The following GARIN4 variants were observed in gnomAD, a reference collection of about 807,000 sequenced individuals.
The protein encoded by GARIN4 is Golgi-associated RAB2 interactor protein 4.
At chr1:212,625,356 G>T in the GARIN4 span, 1 of 1,614,216 alleles carries the variant, frequency 6.2e-7, no homozygotes, top group East Asian at 2.2e-5. Flanking sequence ...CTTGACACAC[G>T]GGATGACCTC....
the GARIN4 span, chr1:212,624,982 G>A: frequency 1.9e-6 from 3 of 1,614,164 alleles, no homozygotes; most frequent in African/African-American, 2.7e-5. Context: ...TGTACAAGGG[G>A]GAGTACGATA....
chr1:212,625,880 A>G, the GARIN4 span: 1 of 1,614,126 alleles, frequency 6.2e-7, no homozygotes, highest in African/African-American at 1.3e-5. Context: ...CACTGCCAGC[A>G]TGGCTCCAAA....
chr1:212,625,400 C>T, the GARIN4 span: 45 of 1,614,192 alleles, frequency 2.8e-5, no homozygotes, highest in South Asian at 3.7e-4. Flanking sequence ...TTACCTCTTG[C>T]GGCCACCCAT....
chr1:212,626,219 A>C, the GARIN4 span: 1 of 1,614,088 alleles, frequency 6.2e-7, no homozygotes. Context: ...AAGCCGCCAC[A>C]AAACAAGGGG....
the GARIN4 span, chr1:212,625,359 A>C: frequency 6.2e-7 from 1 of 1,614,118 alleles, no homozygotes; most frequent in African/African-American, 1.3e-5. Context: ...GACACACGGG[A>C]TGACCTCTTT....
At chr1:212,624,945 C>T in the GARIN4 span, 1 of 1,613,928 alleles carries the variant, frequency 6.2e-7, no homozygotes, top group Non-Finnish European at 8.5e-7. Context: ...ATGTTCAACA[C>T]CACCATGGGG....
At chr1:212,625,153 C>T in the GARIN4 span, 1 of 1,614,144 alleles carries the variant, frequency 6.2e-7, no homozygotes, top group Non-Finnish European at 8.5e-7. Flanking sequence ...CACGACCGGC[C>T]ACCGGCTGCG....
the GARIN4 span, chr1:212,626,686 C>A: frequency 6.4e-7 from 1 of 1,564,024 alleles, no homozygotes; most frequent in Non-Finnish European, 8.6e-7. Flanking sequence ...CTGGAAGCTG[C>A]AAAGGAGCCC....
At chr1:212,626,215 C>T in the GARIN4 span, 1 of 1,614,170 alleles carries the variant, frequency 6.2e-7, no homozygotes, top group Non-Finnish European at 8.5e-7. Flanking sequence ...GTGAAAGCCG[C>T]CACAAAACAA....
At chr1:212,625,079 A>G in the GARIN4 span, 3 of 1,614,034 alleles carry the variant, frequency 1.9e-6, no homozygotes, top group Non-Finnish European at 1.7e-6. Context: ...CCGTGTCCGT[A>G]TGGTGACCAT....
the GARIN4 span, chr1:212,625,578 C>T: frequency 6.5e-5 from 105 of 1,614,182 alleles, no homozygotes; most frequent in Non-Finnish European, 2.6e-5. Context: ...TGTGGGGCCA[C>T]CTCTGCTGCT....
At chr1:212,625,693 A>AG in the GARIN4 span, 3 of 1,614,064 alleles carry the variant, frequency 1.9e-6, no homozygotes, top group Admixed American at 1.7e-5. Context: ...AGCCAGCAAC[A>AG]GGGGGGATTA....
At chr1:212,625,045 G>A in the GARIN4 span, 1 of 1,614,184 alleles carries the variant, frequency 6.2e-7, no homozygotes, top group Non-Finnish European at 8.5e-7. Flanking sequence ...TCACCAAAAG[G>A]GGAGAAGTGA....
the GARIN4 span, chr1:212,625,534 C>A: frequency 1.2e-6 from 2 of 1,614,218 alleles, no homozygotes; most frequent in Non-Finnish European, 1.7e-6. Context: ...AGGACCAGGT[C>A]AGCATCCAAA....
At chr1:212,626,563 C>A in the GARIN4 span, 1 of 1,614,118 alleles carries the variant, frequency 6.2e-7, no homozygotes, top group South Asian at 1.1e-5. Context: ...GGAGCACCAA[C>A]GTGGCCATCG....
chr1:212,626,168 A>T, the GARIN4 span: 1 of 1,614,056 alleles, frequency 6.2e-7, no homozygotes, highest in Non-Finnish European at 8.5e-7. Context: ...GGAAAAGGAC[A>T]GGGCTCTCGG....
the GARIN4 span, chr1:212,624,992 A>G: frequency 6.2e-7 from 1 of 1,614,212 alleles, no homozygotes; most frequent in East Asian, 2.2e-5. Flanking sequence ...GGAGTACGAT[A>G]TATTCAAGTA....
the GARIN4 span, chr1:212,626,617 T>C: frequency 2.5e-6 from 4 of 1,612,912 alleles, no homozygotes; most frequent in Non-Finnish European, 3.4e-6. Context: ...CGGTTGGTTC[T>C]ATGACACCGG....
chr1:212,625,476 A>G, the GARIN4 span: 1 of 1,614,180 alleles, frequency 6.2e-7, no homozygotes, highest in Non-Finnish European at 8.5e-7. Flanking sequence ...GTGTTTCAGG[A>G]AGACAGGAGG....
Sources: allele counts gnomAD v4.1 joint callset, GRCh38; gene constraint gnomAD v4.1.1; transcripts MANE v1.5; gene names NCBI Gene and HGNC (gene_info 2026-07-23, HGNC 2026-07-21).